Variants in VWC2 observed in about 807,000 individuals in gnomAD.
VWC2 encodes brorin.
VWC2 carries 14 observed loss-of-function variants against 29.8 expected under a neutral mutation model. The ratio of observed to expected loss-of-function variants is 0.47; its 90% CI spans 0.31 to 0.74. VWC2 has a LOEUF of 0.74. VWC2 is among the 30% of genes least tolerant of loss of function. The pLI is 0.05. For missense variants in VWC2, 457 were observed against 459.8 expected, an observed-to-expected ratio of 0.99 and a Z score of 0.05; for synonymous variants, 213 against 199.0, an observed-to-expected ratio of 1.07 and a Z score of -0.59.
At chr7:49,833,908 A>C (rs1562723097) in intron 3 of VWC2, among the ~76,000 whole-genome samples, 1 of 152,214 alleles carries the variant, frequency 6.6e-6, no homozygotes, top group Admixed American at 6.5e-5. Context: ...ACTTTTAGCT[A>C]TATAGGTTTC....
At chr7:49,793,481 A>G (rs893829391) in intron 2 of VWC2, among the ~76,000 whole-genome samples, 2 of 152,018 alleles carry the variant, frequency 1.3e-5, no homozygotes, top group African/African-American at 4.8e-5. Flanking sequence ...TTCTTATTTT[A>G]TTCATGAGCC....
intron 3 of VWC2, among the ~76,000 whole-genome samples, chr7:49,835,175 A>C (rs760382157): frequency 6.6e-6 from 1 of 152,240 alleles, no homozygotes; most frequent in African/African-American, 2.4e-5. Flanking sequence ...TATAGGGTAG[A>C]GGACATAGTG....
In VWC2 at chr7:49,775,401, T is replaced by TGGC; in HGVS notation, c.-35_-34insGGC. On this transcript the variant is annotated 5_prime_UTR_variant, in exon 2 of 4. Transcript: ENST00000340652. ...AATGCGACTCGCCCCTCGGCCGCGC[T>TGGC]CCCCGCCCGCCCGCCCGCCGGGACG... 2 of 1,072,740 alleles carry TGGC rather than the reference T, an allele frequency of 1.9e-6. No homozygotes were observed. Among genetic ancestry groups the TGGC allele is most frequent in the Non-Finnish European group, 2.4e-6 (2 of 829,164 alleles). The allele number at this position is 1,072,740 out of a possible 1,614,324, so 66.5% of individuals were successfully genotyped here.
At chr7:49,790,840 C>G (rs112174250) in intron 2 of VWC2, among the ~76,000 whole-genome samples, 1 of 151,750 alleles carries the variant, frequency 6.6e-6, no homozygotes, top group Admixed American at 6.6e-5. Context: ...TGAACAAGGA[C>G]GGGGGAGAGG....
rs1789967400 is a variant in VWC2, at chr7:49,846,977, A to G, written c.826+44137A>G. Among the ~76,000 whole-genome samples, 5 of 152,316 alleles carry G rather than the reference A, an allele frequency of 3.3e-5. No individual in the cohort carries two copies. The South Asian group carries it at 1.0e-3, about 32-fold the overall frequency. ...TTGCATATGTGAATTATTCAGTGTGAGGCTGTAAATTTCCTACCTGCAGAA... is the reference window on the plus strand; with the variant it reads ...TTGCATATGTGAATTATTCAGTGTGGGGCTGTAAATTTCCTACCTGCAGAA... On this transcript the variant is annotated intron_variant, in intron 3 of 3. Coordinates refer to ENST00000340652, the MANE Select transcript of VWC2 (RefSeq NM_198570.5).
At chr7:49,781,061 A>G (rs1275842852) in intron 2 of VWC2, among the ~76,000 whole-genome samples, 1 of 152,232 alleles carries the variant, frequency 6.6e-6, no homozygotes, top group Admixed American at 6.5e-5. Context: ...GATGTTACTT[A>G]ACTGAAAACA....
At chr7:49,832,519 T>TG (rs1789558784) in intron 3 of VWC2, among the ~76,000 whole-genome samples, 1 of 152,140 alleles carries the variant, frequency 6.6e-6, no homozygotes, top group Admixed American at 6.5e-5. Flanking sequence ...AAAAGTGTAT[T>TG]GGTCATTTGA....
intron 3 of VWC2, among the ~76,000 whole-genome samples, chr7:49,885,788 T>C (rs1397229952): frequency 1.3e-5 from 2 of 152,216 alleles, no homozygotes; most frequent in African/African-American, 4.8e-5. Flanking sequence ...GCTTGCGGCC[T>C]GGACCACTAG....
rs1304124509 is a variant in VWC2 at position 49,775,871 on chromosome 7, G to A, written c.436G>A (p.Val146Met). The A allele has an allele frequency of 6.4e-7, 1 of 1,557,478 alleles. No homozygotes were observed. Among genetic ancestry groups the A allele is most frequent in the East Asian group, 2.4e-5 (1 of 41,782 alleles). Residue 146 changes from valine to methionine, a missense_variant, in exon 2 of 4, where the codon GTG becomes ATG. By Grantham distance (21) the Val-to-Met change is conservative. Around this residue, in one of 2 missense-constraint regions of VWC2, gnomAD observed 185 missense variants for 257.1 expected, o/e 0.72. Transcript: ENST00000340652. Reference protein sequence around the residue: ...APTPEPPEEYVYPDYRGKGCV... With the variant: ...APTPEPPEEYMYPDYRGKGCV... Reference sequence around the variant, plus strand: ...CACGCCCGAGCCACCCGAGGAGTACGTGTACCCGGACTACCGTGGCAAGGG... The same window carrying A: ...CACGCCCGAGCCACCCGAGGAGTACATGTACCCGGACTACCGTGGCAAGGG...
intron 3 of VWC2, among the ~76,000 whole-genome samples, chr7:49,829,838 T>C (rs942707586): frequency 6.6e-6 from 1 of 152,242 alleles, no homozygotes; most frequent in African/African-American, 2.4e-5. Context: ...TTTCACAGTT[T>C]ATCCAGCTCT....
intron 3 of VWC2, among the ~76,000 whole-genome samples, chr7:49,905,726 C>G (rs1349601882): frequency 1.3e-5 from 2 of 152,128 alleles, no homozygotes; most frequent in Non-Finnish European, 2.9e-5. Context: ...GCTGCATTCC[C>G]AGATGGTTAA....
At chr7:49,830,708 C>G (rs1789506191) in intron 3 of VWC2, among the ~76,000 whole-genome samples, 2 of 152,080 alleles carry the variant, frequency 1.3e-5, no homozygotes, top group Non-Finnish European at 2.9e-5. Flanking sequence ...GTGATGCTCC[C>G]CTTCCTGTGT....
downstream of VWC2, among the ~76,000 whole-genome samples, chr7:49,922,200 G>A (rs770895252): frequency 5.3e-5 from 8 of 151,854 alleles, no homozygotes; most frequent in Non-Finnish European, 7.4e-5. Context: ...AATATCCCAC[G>A]GAATTGACTG....
At chr7:49,858,754 T>C (rs989936601) in intron 3 of VWC2, among the ~76,000 whole-genome samples, 3 of 152,148 alleles carry the variant, frequency 2.0e-5, no homozygotes, top group African/African-American at 7.2e-5. Flanking sequence ...AATGCAAGAT[T>C]ATGCATTTAC....
At chr7:49,777,567 C>T (rs1480058055) in intron 2 of VWC2, among the ~76,000 whole-genome samples, 1 of 152,124 alleles carries the variant, frequency 6.6e-6, no homozygotes, top group Non-Finnish European at 1.5e-5. Context: ...GCTCATGTAG[C>T]AAAATATAAC....
chr7:49,886,556 T>A (rs1791910615), intron 3 of VWC2, among the ~76,000 whole-genome samples: 1 of 152,212 alleles, frequency 6.6e-6, no homozygotes, highest in Non-Finnish European at 1.5e-5. Context: ...ATGTCCCTAT[T>A]CAGTTCTTTT....
intron 3 of VWC2, among the ~76,000 whole-genome samples, chr7:49,837,335 A>C (rs1789686993): frequency 6.6e-6 from 1 of 152,232 alleles, no homozygotes; most frequent in Admixed American, 6.5e-5. Context: ...AATTGTGTCT[A>C]TCTTTTGCAA....
At chr7:49,897,891 A>G (rs1333442608) in intron 3 of VWC2, among the ~76,000 whole-genome samples, 1 of 152,208 alleles carries the variant, frequency 6.6e-6, no homozygotes, top group African/African-American at 2.4e-5. Flanking sequence ...CACAGTGAAT[A>G]TTAGAGAAAA....
intron 3 of VWC2, among the ~76,000 whole-genome samples, chr7:49,831,603 AAC>A (rs920382231): frequency 3.6e-4 from 55 of 152,312 alleles, no homozygotes; most frequent in African/African-American, 1.2e-3. Context: ...CCCCCAGTGA[AAC>A]AGACACTAAG....
Sources: gnomAD v4.1 joint callset for allele counts (sites outside exome capture counted in the v4.1 genomes callset) on GRCh38, gnomAD v4.1.1 for gene constraint, gnomAD v4.1.1 regional missense constraint, MANE v1.5 for transcripts, NCBI Gene and HGNC (gene_info 2026-07-23, HGNC 2026-07-21) for gene names.